NELL1: variants seen among roughly 807,000 people sequenced by gnomAD.
NELL1 encodes the protein neural EGFL like 1.
A neutral mutation model predicts 107.4 loss-of-function variants in NELL1; 76 were observed. The ratio of observed to expected loss-of-function variants is 0.71; its 90% confidence interval spans 0.59 to 0.86. The LOEUF (loss-of-function observed/expected upper bound fraction) is 0.86. Among genes scored for constraint, NELL1 ranks in the 40% least tolerant of loss-of-function variants. NELL1 has a pLI of 0.00. For missense variants in NELL1, 1,024 were observed against 1,005.5 expected, an observed-to-expected ratio of 1.02 and a Z score of -0.25; for synonymous variants, 353 against 341.2, an observed-to-expected ratio of 1.03 and a Z score of -0.38.
intron 2 of NELL1, among the ~76,000 whole-genome samples, chr11:20,762,521 G>T (rs1222866212): frequency 2.6e-5 from 4 of 152,130 alleles, no homozygotes; most frequent in Non-Finnish European, 5.9e-5. Context: ...CATTTTTGAA[G>T]AATTTTTAAA....
chr11:21,233,044 A>G (rs1027231171), intron 14 of NELL1, among the ~76,000 whole-genome samples: 1 of 152,210 alleles, frequency 6.6e-6, no homozygotes, highest in African/African-American at 2.4e-5. Context: ...GTTAGAAGTA[A>G]ATAGTTAACA....
intron 9 of NELL1, among the ~76,000 whole-genome samples, chr11:20,931,886 T>G (rs1322596414): frequency 8.5e-6 from 1 of 117,224 alleles, no homozygotes; most frequent in Non-Finnish European, 1.9e-5. Flanking sequence ...TGGGGTAGTA[T>G]TCTAGGGACA....
intron 12 of NELL1, among the ~76,000 whole-genome samples, chr11:21,007,678 A>G (rs142651268): frequency 1.3e-5 from 2 of 151,992 alleles, no homozygotes; most frequent in African/African-American, 4.8e-5. Flanking sequence ...ACACCTGTAC[A>G]TTCACACTTA....
At chr11:21,394,014 A>G (rs1022290307) in intron 15 of NELL1, among the ~76,000 whole-genome samples, 2 of 151,628 alleles carry the variant, frequency 1.3e-5, no homozygotes, top group African/African-American at 4.8e-5. Context: ...ATGAAGTTAT[A>G]ATGGTAATTA....
chr11:21,563,322 A>G (rs559865575), intron 17 of NELL1, among the ~76,000 whole-genome samples: 21 of 152,176 alleles, frequency 1.4e-4, no homozygotes, highest in African/African-American at 4.8e-4. Flanking sequence ...GAAATGTAGT[A>G]TTTTAGTGTG....
At chr11:21,310,473 C>G (rs774120889) in intron 14 of NELL1, among the ~76,000 whole-genome samples, 1 of 151,954 alleles carries the variant, frequency 6.6e-6, no homozygotes, top group Admixed American at 6.6e-5. Context: ...TATTGGTAAT[C>G]TAGTCAGAAG....
chr11:20,986,026 C>T (rs116043194), intron 12 of NELL1, among the ~76,000 whole-genome samples: 2,328 of 152,258 alleles, frequency 0.015, 52 homozygotes, highest in African/African-American at 0.053. Context: ...CCAAAGTTGG[C>T]ATGCTATGAG....
rs147328703 is a variant in NELL1, at chr11:21,160,109, G to C, written c.1426+46395G>C. Among the ~76,000 whole-genome samples the C allele has an allele frequency of 6.6e-4, 101 of 152,316 alleles. 1 individual carries two copies. Among genetic ancestry groups the C allele is most frequent in the African/African-American group, 2.4e-3 (98 of 41,570 alleles). On this transcript the variant is annotated intron_variant, in intron 13 of 19. Coordinates refer to ENST00000357134, the MANE Select transcript of NELL1 (RefSeq NM_006157.5). ...CACATTTGGATTTTATTAAGGATAA[G>C]CACATTTATCTACTCAAAGAATACA...
intron 15 of NELL1, among the ~76,000 whole-genome samples, chr11:21,497,712 G>A (rs201738435): frequency 6.6e-6 from 1 of 152,016 alleles, no homozygotes; most frequent in East Asian, 1.9e-4. Flanking sequence ...TCCAGTTTTT[G>A]TGTTTTTTTC....
At chr11:21,020,742 A>G (rs1211481406) in intron 12 of NELL1, among the ~76,000 whole-genome samples, 2 of 152,004 alleles carry the variant, frequency 1.3e-5, no homozygotes, top group Admixed American at 1.3e-4. Flanking sequence ...GCCTGGATAC[A>G]TAGATTTATG....
intron 12 of NELL1, among the ~76,000 whole-genome samples, chr11:21,042,078 C>T (rs769499470): frequency 2.0e-5 from 3 of 152,222 alleles, no homozygotes; most frequent in East Asian, 3.8e-4. Flanking sequence ...AGCTTGAATA[C>T]ATCATTTATG....
chr11:20,711,960 T>C (rs1265577845), intron 2 of NELL1, among the ~76,000 whole-genome samples: 2 of 152,148 alleles, frequency 1.3e-5, no homozygotes, highest in African/African-American at 2.4e-5. Flanking sequence ...TGTCTAGATC[T>C]TTAGTTCTTT....
At chr11:20,981,528 G>T (rs1851749273) in intron 12 of NELL1, among the ~76,000 whole-genome samples, 1 of 152,190 alleles carries the variant, frequency 6.6e-6, no homozygotes, top group Non-Finnish European at 1.5e-5. Context: ...ATTATTAACA[G>T]TGCCCACTAT....
intron 12 of NELL1, among the ~76,000 whole-genome samples, chr11:21,002,504 T>C (rs1852245270): frequency 6.6e-6 from 1 of 152,016 alleles, no homozygotes; most frequent in South Asian, 2.1e-4. Flanking sequence ...ATCAGAAAAA[T>C]AAAGATAGAT....
intron 12 of NELL1, among the ~76,000 whole-genome samples, chr11:21,085,584 C>G (rs1365495012): frequency 6.6e-6 from 1 of 151,984 alleles, no homozygotes; most frequent in Non-Finnish European, 1.5e-5. Flanking sequence ...TACAGTGAAC[C>G]ATGATCACAC....
At chr11:21,047,326 GT>G (rs945368694) in intron 12 of NELL1, among the ~76,000 whole-genome samples, 10 of 151,734 alleles carry the variant, frequency 6.6e-5, no homozygotes, top group African/African-American at 1.7e-4. Flanking sequence ...GCATCCCCCC[GT>G]TTTTTTGTTT....
chr11:20,826,885 G>A (rs1466987154), intron 3 of NELL1, among the ~76,000 whole-genome samples: 1 of 151,198 alleles, frequency 6.6e-6, no homozygotes, highest in Non-Finnish European at 1.5e-5. Flanking sequence ...TGAGTTGAAG[G>A]GAAGGGAACT....
intron 13 of NELL1, among the ~76,000 whole-genome samples, chr11:21,181,949 A>T (rs1220588017): frequency 6.6e-6 from 1 of 151,926 alleles, no homozygotes; most frequent in Non-Finnish European, 1.5e-5. Context: ...CTAAGACTTT[A>T]CATATATTGA....
chr11:21,474,021 T>C (rs1308006025), intron 15 of NELL1, among the ~76,000 whole-genome samples: 1 of 152,008 alleles, frequency 6.6e-6, no homozygotes, highest in African/African-American at 2.4e-5. Flanking sequence ...CTAAGATATT[T>C]CTCCTGCACA....
Sources: gnomAD v4.1 joint callset for allele counts (sites outside exome capture counted in the v4.1 genomes callset) on GRCh38, gnomAD v4.1.1 for gene constraint, MANE v1.5 for transcripts, NCBI Gene and HGNC (gene_info 2026-07-23, HGNC 2026-07-21) for gene names.